The following SETD2 variants were observed in gnomAD, a reference collection of about 807,000 sequenced individuals.
SETD2 encodes histone-lysine N-methyltransferase SETD2.
A neutral mutation model predicts 242.1 loss-of-function variants in SETD2; 31 were observed. The observed-to-expected ratio is 0.13, with a 90% CI of 0.10 to 0.17. The LOEUF (loss-of-function observed/expected upper bound fraction) is 0.17. Among genes scored for constraint, SETD2 ranks in the 10% least tolerant of loss-of-function variants. SETD2 has a pLI of 1.00. For synonymous variants in SETD2, 1,006 were observed against 1,066.5 expected (o/e 0.94, Z 1.11); for missense variants, 2,481 against 3,046.3 (o/e 0.81, Z 4.37).
chr3:47,033,596 C>T (rs2038871121), intron 18 of SETD2, among the ~76,000 whole-genome samples: 1 of 150,872 alleles, frequency 6.6e-6, no homozygotes, highest in South Asian at 2.1e-4. Context: ...AAAACCAAGA[C>T]CAAATCTTAA....
At chr3:47,133,574 A>C (rs1298317098) in intron 1 of SETD2, among the ~76,000 whole-genome samples, 1 of 151,938 alleles carries the variant, frequency 6.6e-6, no homozygotes, top group Non-Finnish European at 1.5e-5. Context: ...CTCTACTAAA[A>C]ATACAAAAAT....
intron 4 of SETD2, 34 bp from the exon 5 acceptor site, chr3:47,114,038 A>T (rs2107720377): frequency 6.3e-7 from 1 of 1,588,512 alleles, no homozygotes; most frequent in East Asian, 2.2e-5. Flanking sequence ...TTAATTCTTT[A>T]AAGCAGCAAA....
chr3:47,104,539 C>CA (rs765465601), intron 6 of SETD2, among the ~76,000 whole-genome samples: 72 of 139,324 alleles, frequency 5.2e-4, no homozygotes, highest in African/African-American at 6.3e-4. Flanking sequence ...GACCCTGACT[C>CA]AAAAAAAAAA....
chr3:47,036,155 AC>A (rs1293850775), intron 18 of SETD2, among the ~76,000 whole-genome samples: 3 of 152,144 alleles, frequency 2.0e-5, no homozygotes, highest in African/African-American at 7.2e-5. Context: ...TCCTTCTTCC[AC>A]CTATTCCCAA....
At chr3:47,164,129 A>G (rs1235278496), upstream of SETD2, among the ~76,000 whole-genome samples, 1 of 150,828 alleles carries the variant, frequency 6.6e-6, no homozygotes, top group Admixed American at 6.6e-5. The surrounding 1 kb of genome is among the most constrained non-coding windows in gnomAD (Gnocchi z 5.4). Context: ...TCACCCTCAC[A>G]CCGGGAGCGA....
In SETD2 at chr3:47,071,293, C is replaced by T. The variant is rs1575725425; in HGVS notation, c.6061-4175G>A. Among the ~76,000 whole-genome samples, 3 of 152,302 alleles carry T rather than the reference C, an allele frequency of 2.0e-5. No homozygotes were observed. In the South Asian group the frequency reaches 6.2e-4, roughly 32 times the overall value. On this transcript the variant is annotated intron_variant, in intron 12 of 20. Transcript: ENST00000409792. ...TCAACTAACACACAATTCATACACA[C>T]TCAAGCTATAATTATTATGGGCCCA...
intron 18 of SETD2, among the ~76,000 whole-genome samples, chr3:47,025,748 T>C (rs72909859): frequency 1.2e-4 from 19 of 152,338 alleles, no homozygotes; most frequent in African/African-American, 4.6e-4. Flanking sequence ...AAACCATGTA[T>C]CTCTCTGTTC....
intron 1 of SETD2, among the ~76,000 whole-genome samples, chr3:47,132,024 C>T (rs1221548616): frequency 6.6e-6 from 1 of 152,028 alleles, no homozygotes; most frequent in Admixed American, 6.6e-5. Flanking sequence ...GATCTGCCCA[C>T]CTCAGCCTCC....
chr3:47,097,442 A>C (rs902815098), intron 9 of SETD2, among the ~76,000 whole-genome samples: 1 of 152,228 alleles, frequency 6.6e-6, no homozygotes, highest in Non-Finnish European at 1.5e-5. Context: ...TCCCAGGAGT[A>C]ACTCAGGCAA....
chr3:47,046,420 C>A, intron 16 of SETD2, 67 bp downstream of exon 16: 3 of 1,380,282 alleles, frequency 2.2e-6, no homozygotes, highest in East Asian at 2.6e-5. Context: ...AAATCCAAAC[C>A]AAAAAGAAAA....
rs2043660535 is a variant in SETD2, at chr3:47,138,998, C to T, written c.72-12335G>A. On this transcript the variant is annotated intron_variant, in intron 1 of 20. Transcript: ENST00000409792. ...AGGGTCTTGCTCTGTTACCCACTGT[C>T]ACCCAGAGTCTAGGCTGGAGTGCTA... 3.3e-5 allele frequency among the ~76,000 whole-genome samples: 5 copies of T among 152,248 alleles called. No individual in the cohort carries two copies. In the South Asian group the frequency reaches 1.0e-3, roughly 32 times the overall value.
intron 1 of SETD2, 48 bp downstream of exon 1, chr3:47,163,806 G>A (rs909649835): frequency 8.0e-7 from 1 of 1,246,270 alleles, no homozygotes; most frequent in South Asian, 3.9e-5. Flanking sequence ...CCCTCGGCTG[G>A]GGATAAGGCG....
chr3:47,126,886 T>G (rs1042571652), intron 1 of SETD2, among the ~76,000 whole-genome samples: 3 of 152,156 alleles, frequency 2.0e-5, no homozygotes, highest in Admixed American at 6.5e-5. Context: ...GAGACCAAAT[T>G]TGAATAAAGC....
chr3:47,147,786 G>T (rs906563881), intron 1 of SETD2, among the ~76,000 whole-genome samples: 5 of 151,580 alleles, frequency 3.3e-5, no homozygotes, highest in Non-Finnish European at 5.9e-5. Context: ...AGCCGGGCAA[G>T]GTGGTGGGCG....
At chr3:47,044,831 G>C (rs2107545162) in intron 16 of SETD2, among the ~76,000 whole-genome samples, 1 of 152,198 alleles carries the variant, frequency 6.6e-6, no homozygotes, top group Non-Finnish European at 1.5e-5. Context: ...TCATATTCTA[G>C]TACAGGTTAA....
intron 1 of SETD2, 189 bp downstream of exon 1, chr3:47,163,665 G>A (rs1487665327): frequency 2.6e-6 from 1 of 377,546 alleles, no homozygotes; most frequent in African/African-American, 2.2e-5. Context: ...CCCAACCGCG[G>A]GCCTGCTGCG....
rs2038048267 is a variant in SETD2, at chr3:47,017,819, G to A, written c.7432-80C>T. ...TTGTACTGAGGAAATAACTAGAAAA[G>A]GTAGTGAGTAAAGCCAGCCAATCCT... On this transcript the variant is annotated intron_variant, in intron 19 of 20. Coordinates refer to ENST00000409792, the MANE Select transcript of SETD2 (RefSeq NM_014159.7). The surrounding 1 kb of genome is among the most constrained non-coding windows in gnomAD (Gnocchi z 4.8). 3.9e-6 allele frequency: 4 copies of A among 1,025,726 alleles called. No individual in the cohort carries two copies. In the South Asian group the frequency reaches 5.1e-5, roughly 13 times the overall value. The allele number at this position is 1,025,726 out of a possible 1,614,324, so 63.5% of individuals were successfully genotyped here.
intron 16 of SETD2, among the ~76,000 whole-genome samples, 166 bp from the exon 17 acceptor site, chr3:47,042,866 G>A (rs985991163): frequency 6.6e-6 from 1 of 151,796 alleles, no homozygotes; most frequent in Non-Finnish European, 1.5e-5. Flanking sequence ...TATATAAAGA[G>A]GTTTACAGAG....
At chr3:47,148,122 G>A (rs1407381103) in intron 1 of SETD2, among the ~76,000 whole-genome samples, 2 of 141,808 alleles carry the variant, frequency 1.4e-5, no homozygotes, top group Non-Finnish European at 3.2e-5. Context: ...TGTTGTTGTT[G>A]TTGTTGTTGT....
Sources: gnomAD v4.1 joint callset for allele counts (sites outside exome capture counted in the v4.1 genomes callset) on GRCh38, gnomAD v4.1.1 for gene constraint, Gnocchi (gnomAD v3.1) non-coding constraint, MANE v1.5 for transcripts, NCBI Gene and HGNC (gene_info 2026-07-23, HGNC 2026-07-21) for gene names.